The following CNTN3 variants were observed in gnomAD, a reference collection of about 807,000 sequenced individuals.
CNTN3 encodes contactin-3.
A neutral mutation model predicts 119.1 loss-of-function variants in CNTN3; 60 were observed. The ratio of observed to expected loss-of-function variants is 0.50; its 90% CI spans 0.41 to 0.62. The LOEUF (loss-of-function observed/expected upper bound fraction) is 0.62. CNTN3 is among the 20% of genes least tolerant of loss of function. The pLI is 0.00. For synonymous variants in CNTN3, 450 were observed against 438.7 expected, an observed-to-expected ratio of 1.03 and a Z score of -0.32; for missense variants, 1,101 against 1,242.4, an observed-to-expected ratio of 0.89 and a Z score of 1.71.
chr3:74,417,042 A>G (rs908495116), intron 5 of CNTN3, among the ~76,000 whole-genome samples: 2 of 151,874 alleles, frequency 1.3e-5, no homozygotes, highest in East Asian at 1.9e-4. Context: ...ATCTACCATG[A>G]CATGGCTTTG....
intron 4 of CNTN3, among the ~76,000 whole-genome samples, chr3:74,478,399 AG>A (rs960516679): frequency 7.2e-5 from 11 of 152,098 alleles, no homozygotes; most frequent in African/African-American, 2.7e-4. Context: ...TTCTCAAAAA[AG>A]GGTAAGGAGA....
chr3:74,443,533 T>C (rs1286816935), intron 4 of CNTN3, among the ~76,000 whole-genome samples: 4 of 152,104 alleles, frequency 2.6e-5, no homozygotes, highest in Admixed American at 6.6e-5. Flanking sequence ...GCTGATGTGG[T>C]TTAGAATGAT....
chr3:74,429,778 A>C (rs1559597488), intron 4 of CNTN3, among the ~76,000 whole-genome samples: 1 of 152,200 alleles, frequency 6.6e-6, no homozygotes, highest in Non-Finnish European at 1.5e-5. Flanking sequence ...AAGACTGCCC[A>C]AAATTCAATA....
At position 74,263,692 on chromosome 3, in the gene CNTN3, A is replaced by T. The variant is rs1701617978; in HGVS notation, c.*709T>A. 6.6e-6 allele frequency: 1 copy of T among 152,076 alleles called. No homozygotes were observed. The highest frequency in any genetic ancestry group is 6.6e-5 in the Admixed American group (1 of 15,250). 9.4% of individuals were successfully genotyped at this position (152,076 alleles called of 1,614,324 possible). A position where few individuals can be genotyped will look rare whatever the true frequency, so the allele number is the denominator to read the frequency against. On this transcript the variant is annotated 3_prime_UTR_variant, in exon 23 of 23. Transcript: ENST00000263665. ...GGGTCAATTGCATTTGGGGTGACAA[A>T]AGCACTTTCATACTTCAGTCTTTAT...
chr3:74,503,924 G>A (rs1478648880), intron 2 of CNTN3, among the ~76,000 whole-genome samples: 1 of 152,012 alleles, frequency 6.6e-6, no homozygotes, highest in Non-Finnish European at 1.5e-5. Flanking sequence ...AACACCTACA[G>A]GCAACAAGGA....
At chr3:74,604,143 C>T (rs922312816) in intron 1 of CNTN3, among the ~76,000 whole-genome samples, 2 of 152,088 alleles carry the variant, frequency 1.3e-5, no homozygotes, top group African/African-American at 4.8e-5. Context: ...TTATCTCACA[C>T]CATTTACAAA....
At position 74,266,545 on chromosome 3, in the gene CNTN3, G is replaced by C; in HGVS notation, c.2922C>G (p.Val974=). Residue 974 remains valine, a synonymous_variant, in exon 22 of 23, where the codon GTC becomes GTG. Coordinates refer to ENST00000263665, the MANE Select transcript of CNTN3 (RefSeq NM_020872.3). ...CATCCCCTCCATCTGTTGTGGCCTT[G>C]ACTTCAATAATGTAGTCCTCTTTAA... ...LPIKEDYIIE[V]KATTDGGDGT... The C allele has an allele frequency of 6.2e-7, 1 of 1,613,596 alleles. No homozygotes were observed. Among genetic ancestry groups the C allele is most frequent in the Non-Finnish European group, 8.5e-7 (1 of 1,179,626 alleles).
chr3:74,518,240 C>T (rs1258816075), intron 2 of CNTN3, among the ~76,000 whole-genome samples: 1 of 151,888 alleles, frequency 6.6e-6, no homozygotes, highest in African/African-American at 2.4e-5. Context: ...ACAAAATACA[C>T]CAACAGTGTC....
At chr3:74,397,223 G>T (rs1263653086) in intron 5 of CNTN3, among the ~76,000 whole-genome samples, 1 of 152,162 alleles carries the variant, frequency 6.6e-6, no homozygotes, top group African/African-American at 2.4e-5. Context: ...ATGGGTGAGA[G>T]TATTTGTTTA....
At chr3:74,477,995 A>T (rs1018833175) in intron 4 of CNTN3, among the ~76,000 whole-genome samples, 1 of 152,174 alleles carries the variant, frequency 6.6e-6, no homozygotes, top group Non-Finnish European at 1.5e-5. Flanking sequence ...GAAACACAGA[A>T]GTCATTTCTC....
At chr3:74,400,247 T>C (rs1014018867) in intron 5 of CNTN3, among the ~76,000 whole-genome samples, 7 of 152,234 alleles carry the variant, frequency 4.6e-5, no homozygotes, top group Admixed American at 2.0e-4. Context: ...CCATTACTTT[T>C]TCTTTTAACT....
At chr3:74,432,809 T>C (rs1380574750) in intron 4 of CNTN3, among the ~76,000 whole-genome samples, 1 of 152,234 alleles carries the variant, frequency 6.6e-6, no homozygotes, top group Non-Finnish European at 1.5e-5. Context: ...TCCTTTTTTG[T>C]TCCCTTTCTT....
intron 11 of CNTN3, among the ~76,000 whole-genome samples, chr3:74,349,201 A>C (rs1394149117): frequency 6.6e-6 from 1 of 152,354 alleles, no homozygotes; most frequent in Non-Finnish European, 1.5e-5. Flanking sequence ...ACAAACATGT[A>C]CAGAGCAGAG....
chr3:74,381,053 G>GTTT (rs199984955), intron 5 of CNTN3, among the ~76,000 whole-genome samples: 1 of 143,928 alleles, frequency 6.9e-6, no homozygotes, highest in African/African-American at 2.6e-5. Flanking sequence ...TGGAGAAATT[G>GTTT]TTTTTTTTTT....
chr3:74,303,227 G>A, intron 13 of CNTN3, among the ~76,000 whole-genome samples: 1 of 152,046 alleles, frequency 6.6e-6, no homozygotes, highest in East Asian at 1.9e-4. Flanking sequence ...GGTATCTAGT[G>A]GGAGATAAAT....
At chr3:74,403,838 TTG>T (rs1306038565) in intron 5 of CNTN3, among the ~76,000 whole-genome samples, 1 of 152,126 alleles carries the variant, frequency 6.6e-6, no homozygotes, top group Non-Finnish European at 1.5e-5. Flanking sequence ...TTTTTCTGTT[TTG>T]TCTCTGGATT....
intron 20 of CNTN3, among the ~76,000 whole-genome samples, chr3:74,271,689 A>G (rs1202577168): frequency 6.6e-6 from 1 of 152,200 alleles, no homozygotes; most frequent in Non-Finnish European, 1.5e-5. Flanking sequence ...TAGTAGCTAG[A>G]AGTTACGCTT....
chr3:74,595,144 G>GT (rs945267045), intron 1 of CNTN3, among the ~76,000 whole-genome samples: 3 of 151,706 alleles, frequency 2.0e-5, no homozygotes, highest in Non-Finnish European at 2.9e-5. Flanking sequence ...TGATGCGGCT[G>GT]TTTTTTTCTT....
intron 8 of CNTN3, among the ~76,000 whole-genome samples, chr3:74,366,757 T>C (rs1299208648): frequency 2.5e-5 from 3 of 118,272 alleles, no homozygotes; most frequent in East Asian, 5.2e-4. Flanking sequence ...TATGTGTGTG[T>C]GCGTGTGTGT....
Sources: allele counts gnomAD v4.1 joint callset (sites outside exome capture counted in the v4.1 genomes callset), GRCh38; gene constraint gnomAD v4.1.1; transcripts MANE v1.5; gene names NCBI Gene and HGNC (gene_info 2026-07-23, HGNC 2026-07-21).